The following PRDM12 variants were observed in gnomAD, a reference collection of about 807,000 sequenced individuals.
PRDM12 encodes PR domain zinc finger protein 12.
PRDM12 carries 17 observed loss-of-function variants against 29.6 expected under a neutral mutation model. The ratio of observed to expected loss-of-function variants is 0.57; its 90% confidence interval spans 0.39 to 0.86. PRDM12 has a LOEUF of 0.86. Among genes scored for constraint, PRDM12 ranks in the 40% least tolerant of loss-of-function variants. PRDM12 has a pLI of 0.00. For synonymous variants in PRDM12, 231 were observed against 225.8 expected (o/e 1.02, Z -0.21); for missense variants, 422 against 510.8 (o/e 0.83, Z 1.68).
chr9:130,675,820 G>C (rs79373818), intron 3 of PRDM12, among the ~76,000 whole-genome samples: 337 of 152,334 alleles, frequency 2.2e-3, no homozygotes, highest in Non-Finnish European at 3.2e-3. Context: ...AGTGGTCTGG[G>C]GGAGGGTGCT....
In PRDM12 at chr9:130,675,601, G is replaced by A. The variant is rs534609721; in HGVS notation, c.571-2928G>A. ...AGCTCCAGGAAAAACAATCACTGGC[G>A]CTTCCATGTCTCGATTATGCAAAGA... is the stretch of plus-strand genomic sequence containing the variant. On this transcript the variant is annotated intron_variant, in intron 3 of 4. Coordinates refer to ENST00000253008, the MANE Select transcript of PRDM12 (RefSeq NM_021619.3). Among the ~76,000 whole-genome samples, 4 of 152,296 alleles carry A rather than the reference G, an allele frequency of 2.6e-5. No individual in the cohort carries two copies. The East Asian group carries it at 7.7e-4, about 29-fold the overall frequency.
intron 3 of PRDM12, among the ~76,000 whole-genome samples, chr9:130,678,267 T>G (rs557601981): frequency 3.4e-4 from 51 of 151,794 alleles, no homozygotes; most frequent in Non-Finnish European, 4.4e-4. Context: ...ACTCTGGTGC[T>G]GTCAGCTTGG....
Position 130,681,533 on chromosome 9 carries a change from A to G in PRDM12, c.968A>G (p.His323Arg). Residue 323 changes from histidine (H) to arginine (R), a missense_variant, in exon 5 of 5, where the codon CAC becomes CGC. Transcript: ENST00000253008. This position sits in a 1 kb window ranked among gnomAD's most constrained non-coding sequence, Gnocchi z 8.1. The stretch of plus-strand genomic sequence containing the variant: ...CGCGCCCACCAGAAGAGCGCGCGGC[A>G]CCGGCCGCCCAGCACCGCGCTGCAG... ...GLRAHQKSAR[H>R]RPPSTALQAH... 7.3e-7 allele frequency: 1 copy of G among 1,361,406 alleles called. No individual in the cohort carries two copies. The highest frequency in any genetic ancestry group is 9.5e-7 in the Non-Finnish European group (1 of 1,050,464). 84.3% of individuals were successfully genotyped at this position (1,361,406 alleles called of 1,614,324 possible).
At chr9:130,666,401 GAGGGTCTCCAGGTTGCAAAC>G (rs1830733405) in intron 1 of PRDM12, among the ~76,000 whole-genome samples, 187 bp from the exon 2 acceptor site, 1 of 152,250 alleles carries the variant, frequency 6.6e-6, no homozygotes, top group African/African-American at 2.4e-5. Flanking sequence ...CCAGGGCACG[GAGGGTCTCCAGGTTGCAAAC>G]AGAGGAGAGG....
Position 130,664,613 on chromosome 9 carries a change from G to C in PRDM12, c.-41G>C. The C allele has an allele frequency of 7.0e-7, 1 of 1,420,768 alleles. No individual in the cohort carries two copies. Among genetic ancestry groups the C allele is most frequent in the Non-Finnish European group, 9.3e-7 (1 of 1,073,284 alleles). The allele number at this position is 1,420,768 out of a possible 1,614,324, so 88.0% of individuals were successfully genotyped here. On this transcript the variant is annotated 5_prime_UTR_variant, in exon 1 of 5. Coordinates refer to ENST00000253008, the MANE Select transcript of PRDM12 (RefSeq NM_021619.3). The surrounding 1 kb of genome is among the most constrained non-coding windows in gnomAD (Gnocchi z 6.4). ...CTCTCGCCCGCCCACCTCCCCCGTC[G>C]GCCCGGCCGTCCCCCGGCGCCGGGG... is the stretch of plus-strand genomic sequence containing the variant.
At chr9:130,669,876 G>T (rs1242804757) in intron 3 of PRDM12, among the ~76,000 whole-genome samples, 1 of 151,830 alleles carries the variant, frequency 6.6e-6, no homozygotes, top group African/African-American at 2.4e-5. Flanking sequence ...TGTGGCAGGG[G>T]TGAGGCTGAG....
chr9:130,674,492 T>TTGTG (rs58489448), intron 3 of PRDM12, among the ~76,000 whole-genome samples: 40,796 of 142,542 alleles, frequency 0.29, 5,854 homozygotes, highest in South Asian at 0.37. Flanking sequence ...AAAAGATAAT[T>TTGTG]TGTGTGTGTG....
chr9:130,677,983 C>T (rs537925893), intron 3 of PRDM12, among the ~76,000 whole-genome samples: 13 of 151,064 alleles, frequency 8.6e-5, no homozygotes, highest in Admixed American at 4.0e-4. Flanking sequence ...TAGCATCTGC[C>T]GTGTGCACAG....
chr9:130,678,612 AGAG>A lies in PRDM12; in HGVS notation c.660_662del (p.Glu220del). ...TGGGGATCCCAGGTGTGCCCGGGCTAGAGGAGGACCAGAAAAAGAACAAGCATG... is the reference window on the plus strand; with the variant it reads ...TGGGGATCCCAGGTGTGCCCGGGCTAGAGGACCAGAAAAAGAACAAGCATG... On this transcript the variant is annotated inframe_deletion, in exon 4 of 5. Coordinates refer to ENST00000253008, the MANE Select transcript of PRDM12 (RefSeq NM_021619.3). 2 of 1,612,350 alleles carry A rather than the reference AGAG, an allele frequency of 1.2e-6. No individual in the cohort carries two copies. Among genetic ancestry groups the A allele is most frequent in the Non-Finnish European group, 1.7e-6 (2 of 1,178,684 alleles).
chr9:130,664,676 C>A lies in PRDM12; in HGVS notation c.23C>A (p.Ala8Asp). Residue 8 changes from alanine (A) to aspartate (D), a missense_variant, in exon 1 of 5, where the codon GCT (alanine) becomes GAT (aspartate). Ala to Asp is a moderately radical substitution (Grantham distance 126, BLOSUM62 -2). Coordinates refer to ENST00000253008, the MANE Select transcript of PRDM12 (RefSeq NM_021619.3). This position sits in a 1 kb window ranked among gnomAD's most constrained non-coding sequence, Gnocchi z 6.4. The stretch of plus-strand genomic sequence containing the variant: ...CCCATGATGGGCTCCGTGCTCCCGG[C>A]TGAGGCCCTGGTGCTCAAGACCGGG... Reference protein sequence around the residue: MMGSVLPAEALVLKTGLK... With the variant: MMGSVLPDEALVLKTGLK... The A allele has an allele frequency of 6.2e-7, 1 of 1,602,092 alleles. No homozygotes were observed.
Position 130,664,626 on chromosome 9 carries a change from C to T in PRDM12, c.-28C>T. ...ACCTCCCCCGTCGGCCCGGCCGTCC[C>T]CCGGCGCCGGGGAGCTCCGGGCCGC... On this transcript the variant is annotated 5_prime_UTR_variant, in exon 1 of 5. Transcript: ENST00000253008. The surrounding 1 kb of genome is among the most constrained non-coding windows in gnomAD (Gnocchi z 6.4). The T allele has an allele frequency of 1.3e-6, 2 of 1,508,644 alleles. No homozygotes were observed. Among genetic ancestry groups the T allele is most frequent in the Non-Finnish European group, 1.8e-6 (2 of 1,133,216 alleles). The allele number at this position is 1,508,644 out of a possible 1,614,324, so 93.5% of individuals were successfully genotyped here.
chr9:130,666,485 T>G, intron 1 of PRDM12, 123 bp from the exon 2 acceptor site: 9 of 1,281,374 alleles, frequency 7.0e-6, no homozygotes, highest in Non-Finnish European at 9.4e-6. Flanking sequence ...CTTCTCTGGA[T>G]TTGGGGCCGA....
intron 3 of PRDM12, among the ~76,000 whole-genome samples, chr9:130,677,295 C>A (rs1014564277): frequency 6.6e-6 from 1 of 152,146 alleles, no homozygotes; most frequent in African/African-American, 2.4e-5. Context: ...AGGCTCTGAC[C>A]AGAGGAAGGA....
intron 3 of PRDM12, among the ~76,000 whole-genome samples, chr9:130,676,783 C>T (rs1043541752): frequency 2.6e-5 from 4 of 152,178 alleles, no homozygotes; most frequent in African/African-American, 7.2e-5. Context: ...CATGATGCCC[C>T]GTGAACCATG....
At chr9:130,676,366 G>A (rs1830842402) in intron 3 of PRDM12, among the ~76,000 whole-genome samples, 1 of 151,974 alleles carries the variant, frequency 6.6e-6, no homozygotes, top group African/African-American at 2.4e-5. Context: ...TGTGGTGGCG[G>A]GCACCTGTAG....
intron 3 of PRDM12, among the ~76,000 whole-genome samples, chr9:130,670,553 C>T (rs1830780560): frequency 6.6e-6 from 1 of 152,150 alleles, no homozygotes; most frequent in Admixed American, 6.5e-5. Flanking sequence ...GTAGCCCAGG[C>T]CCAGGACAGA....
At chr9:130,680,653 A>ATT (rs1273238499) in intron 4 of PRDM12, among the ~76,000 whole-genome samples, 29 of 80,794 alleles carry the variant, frequency 3.6e-4, no homozygotes, top group Non-Finnish European at 5.6e-4. Flanking sequence ...ATATATATAT[A>ATT]TATATATTTT....
chr9:130,670,069 C>T (rs530276349), intron 3 of PRDM12, among the ~76,000 whole-genome samples: 5 of 152,010 alleles, frequency 3.3e-5, no homozygotes, highest in South Asian at 4.1e-4. Flanking sequence ...TGTCCTTTGG[C>T]GGGAAATCTG....
In PRDM12 at chr9:130,668,404, G is replaced by A; in HGVS notation, c.570+91G>A. ...AGGGCAGCGGTGTCCAGGAACCACA[G>A]TGGACAGAGGGGAGCTGACACTGGC... On this transcript the variant is annotated intron_variant, in intron 3 of 4. Transcript: ENST00000253008. This position sits in a 1 kb window ranked among gnomAD's most constrained non-coding sequence, Gnocchi z 4.0. 4 of 1,569,220 alleles carry A rather than the reference G, an allele frequency of 2.5e-6. No homozygotes were observed. Among genetic ancestry groups the A allele is most frequent in the Non-Finnish European group, 3.5e-6 (4 of 1,150,528 alleles).
Sources: gnomAD v4.1 joint callset for allele counts (sites outside exome capture counted in the v4.1 genomes callset) on GRCh38, gnomAD v4.1.1 for gene constraint, Gnocchi (gnomAD v3.1) non-coding constraint, MANE v1.5 for transcripts, NCBI Gene and HGNC (gene_info 2026-07-23, HGNC 2026-07-21) for gene names.